The following LRRC37A2 variants were observed in gnomAD, a reference collection of about 807,000 sequenced individuals.
LRRC37A2 encodes leucine rich repeat containing 37 member A2, also known as leucine-rich repeat-containing protein 37A2.
LRRC37A2 carries 9 observed loss-of-function variants against 68.8 expected under a neutral mutation model. The ratio of observed to expected loss-of-function variants is 0.13; its 90% CI spans 0.08 to 0.23. LRRC37A2 has a LOEUF of 0.23. Ranked by LOEUF, LRRC37A2 falls within the 10% of genes least tolerant of loss-of-function variation. The pLI is 1.00. For missense variants in LRRC37A2, 168 were observed against 950.4 expected (o/e 0.18, Z 10.82); for synonymous variants, 63 against 367.6 (o/e 0.17, Z 9.48).
At chr17:47,034,785 C>T in the LRRC37A2 span, among the ~76,000 whole-genome samples, 1 of 150,986 alleles carries the variant, frequency 6.6e-6, no homozygotes, top group Non-Finnish European at 1.5e-5. Flanking sequence ...AGGTAGCCGA[C>T]TTTGTACAGA....
chr17:46,872,801 G>T, the LRRC37A2 span: 1 of 1,434,548 alleles, frequency 7.0e-7, no homozygotes, highest in South Asian at 1.2e-5. Flanking sequence ...GGGACGGGGA[G>T]GGCTGGGGGA....
chr17:47,000,043 TAAAA>T, the LRRC37A2 span, among the ~76,000 whole-genome samples: 157 of 25,698 alleles, frequency 6.1e-3, 27 homozygotes, highest in Admixed American at 0.03. Context: ...TAAAATAAAA[TAAAA>T]TAAAATAAAA....
chr17:46,880,765 C>T, the LRRC37A2 span, among the ~76,000 whole-genome samples: 2 of 151,964 alleles, frequency 1.3e-5, no homozygotes, highest in Admixed American at 1.3e-4. Context: ...AGGGATGGAT[C>T]GCCCCATTTT....
At chr17:46,953,360 C>G in the LRRC37A2 span, among the ~76,000 whole-genome samples, 1 of 152,152 alleles carries the variant, frequency 6.6e-6, no homozygotes, top group African/African-American at 2.4e-5. Flanking sequence ...ATCCATGTCC[C>G]TACAAAGAAT....
At chr17:47,005,178 G>A in the LRRC37A2 span, among the ~76,000 whole-genome samples, 1 of 152,162 alleles carries the variant, frequency 6.6e-6, no homozygotes, top group African/African-American at 2.4e-5. Flanking sequence ...GCTTCTTCCT[G>A]TTTTCCTTGG....
At chr17:46,839,057 T>C in the LRRC37A2 span, among the ~76,000 whole-genome samples, 35 of 152,070 alleles carry the variant, frequency 2.3e-4, no homozygotes, top group Non-Finnish European at 7.4e-5. Context: ...TTTGTATTTT[T>C]AGTAGAGACA....
the LRRC37A2 span, among the ~76,000 whole-genome samples, chr17:46,946,896 G>A: frequency 6.6e-6 from 1 of 152,276 alleles, no homozygotes; most frequent in Admixed American, 6.5e-5. Context: ...GAGATGTCGC[G>A]GGGCAGCAGT....
At chr17:46,923,401 A>G in the LRRC37A2 span, 14 of 1,454,346 alleles carry the variant, frequency 9.6e-6, no homozygotes, top group South Asian at 1.4e-5. Flanking sequence ...AGCCACAGAC[A>G]GTGGGTTCAG....
chr17:46,907,755 G>A, the LRRC37A2 span, among the ~76,000 whole-genome samples: 1 of 151,440 alleles, frequency 6.6e-6, no homozygotes, highest in Non-Finnish European at 1.5e-5. Flanking sequence ...AGCGGGGGGG[G>A]TGAGGCAGAA....
At chr17:46,747,380 A>C in the LRRC37A2 span, among the ~76,000 whole-genome samples, 1 of 152,174 alleles carries the variant, frequency 6.6e-6, no homozygotes, top group African/African-American at 2.4e-5. Flanking sequence ...TCCTTGGCTC[A>C]AGCGATCTGC....
At chr17:46,923,281 T>C in the LRRC37A2 span, 1 of 1,549,948 alleles carries the variant, frequency 6.5e-7, no homozygotes. Context: ...TGAGCCTGGC[T>C]TCTGGGGCTG....
At chr17:46,958,600 AGATGTGCCAGTGG>A in the LRRC37A2 span, among the ~76,000 whole-genome samples, 1 of 152,190 alleles carries the variant, frequency 6.6e-6, no homozygotes, top group South Asian at 2.1e-4. Flanking sequence ...TACCACAGTG[AGATGTGCCAGTGG>A]GATGTGCCAG....
At chr17:46,852,167 G>GGTCT in the LRRC37A2 span, among the ~76,000 whole-genome samples, 4 of 152,226 alleles carry the variant, frequency 2.6e-5, no homozygotes, top group African/African-American at 9.6e-5. Flanking sequence ...CCTTCGCCCT[G>GGTCT]CGGAGCGGAG....
the LRRC37A2 span, among the ~76,000 whole-genome samples, chr17:46,770,446 G>A: frequency 2.0e-5 from 3 of 152,170 alleles, no homozygotes; most frequent in Non-Finnish European, 4.4e-5. Flanking sequence ...ACAGGCCTGA[G>A]CCCTCCCACG....
chr17:46,818,798 C>A, the LRRC37A2 span: 1 of 630,740 alleles, frequency 1.6e-6, no homozygotes. Context: ...CCAATCAGCG[C>A]CCGCGGCCTA....
chr17:46,923,665 G>A, the LRRC37A2 span: 2 of 993,326 alleles, frequency 2.0e-6, no homozygotes, highest in South Asian at 5.1e-5. Flanking sequence ...ATTCTTATTC[G>A]ATTTATACTA....
the LRRC37A2 span, among the ~76,000 whole-genome samples, chr17:46,771,228 G>T: frequency 1.3e-5 from 2 of 152,054 alleles, no homozygotes; most frequent in African/African-American, 4.8e-5. Flanking sequence ...CCCGCGCCCC[G>T]CGCCTGCGCT....
chr17:46,723,969 C>T, the LRRC37A2 span, among the ~76,000 whole-genome samples: 2 of 152,176 alleles, frequency 1.3e-5, no homozygotes, highest in Non-Finnish European at 2.9e-5. Context: ...TTGTAAGACT[C>T]TTTACGTCCA....
At chr17:46,392,431 C>CTT in the LRRC37A2 span, among the ~76,000 whole-genome samples, 925 of 29,562 alleles carry the variant, frequency 0.031, 49 homozygotes, top group Non-Finnish European at 0.064. Flanking sequence ...CTTTCTTTCT[C>CTT]TCTTTCTTTC....
Sources: allele counts gnomAD v4.1 joint callset (sites outside exome capture counted in the v4.1 genomes callset), GRCh38; gene constraint gnomAD v4.1.1; transcripts MANE v1.5; gene names NCBI Gene and HGNC (gene_info 2026-07-23, HGNC 2026-07-21).